ASTN2: variants seen among roughly 807,000 people sequenced by gnomAD.
ASTN2 encodes astrotactin-2.
ASTN2 carries 54 observed loss-of-function variants against 139.8 expected under a neutral mutation model. That is an observed-to-expected ratio of 0.39 (90% confidence interval 0.31 to 0.48). The LOEUF (loss-of-function observed/expected upper bound fraction) is 0.48, where lower values mean the gene tolerates loss of function less well. Among genes scored for constraint, ASTN2 ranks in the 20% least tolerant of loss-of-function variants. ASTN2 has a pLI of 0.95. For missense variants in ASTN2, 1,565 were observed against 1,725.1 expected (o/e 0.91, Z 1.64); for synonymous variants, 756 against 719.5 (o/e 1.05, Z -0.81).
At chr9:117,319,734 C>G (rs953893307) in intron 1 of ASTN2, among the ~76,000 whole-genome samples, 1 of 152,078 alleles carries the variant, frequency 6.6e-6, no homozygotes, top group African/African-American at 2.4e-5. Flanking sequence ...CCCTACCTGG[C>G]CTTCACAGGG....
At chr9:116,760,958 C>T (rs920676480) in intron 13 of ASTN2, among the ~76,000 whole-genome samples, 1 of 152,218 alleles carries the variant, frequency 6.6e-6, no homozygotes, top group Non-Finnish European at 1.5e-5. Context: ...CGCAGCTTCT[C>T]TGCAGATTTA....
At chr9:116,554,138 T>C (rs548584319) in intron 19 of ASTN2, among the ~76,000 whole-genome samples, 1 of 152,348 alleles carries the variant, frequency 6.6e-6, no homozygotes, top group African/African-American at 2.4e-5. Context: ...GTCCTTCTTA[T>C]GTATGATGGA....
intron 4 of ASTN2, among the ~76,000 whole-genome samples, chr9:117,138,270 G>C (rs1050288442): frequency 2.0e-5 from 3 of 152,164 alleles, no homozygotes; most frequent in African/African-American, 2.4e-5. Context: ...CTGTAGATTG[G>C]GTAGTCATGG....
At chr9:117,136,462 G>A (rs949026100) in intron 4 of ASTN2, among the ~76,000 whole-genome samples, 7 of 152,190 alleles carry the variant, frequency 4.6e-5, no homozygotes, top group African/African-American at 1.4e-4. Flanking sequence ...GAGCACAGCT[G>A]CAGACCCTCT....
chr9:117,234,971 C>T (rs1044453744), intron 2 of ASTN2, among the ~76,000 whole-genome samples: 10 of 152,160 alleles, frequency 6.6e-5, no homozygotes, highest in African/African-American at 1.9e-4. Context: ...CAGTGGCTCA[C>T]GCCTGTAATC....
At chr9:116,907,414 C>T (rs1307584353) in intron 10 of ASTN2, among the ~76,000 whole-genome samples, 1 of 152,196 alleles carries the variant, frequency 6.6e-6, no homozygotes, top group Non-Finnish European at 1.5e-5. Flanking sequence ...GTGTCCGAGG[C>T]AGGCTCCAAG....
chr9:116,832,177 G>A (rs1029754927), intron 11 of ASTN2, among the ~76,000 whole-genome samples: 2 of 152,050 alleles, frequency 1.3e-5, no homozygotes, highest in Admixed American at 1.3e-4. Context: ...AATTGATGTT[G>A]TATATTTTTC....
intron 10 of ASTN2, among the ~76,000 whole-genome samples, chr9:116,947,843 C>T (rs1321041982): frequency 6.6e-6 from 1 of 152,228 alleles, no homozygotes; most frequent in Non-Finnish European, 1.5e-5. Context: ...CCTCAGGTTC[C>T]ATTCAAGTTT....
chr9:117,167,739 A>C (rs1051459602), intron 3 of ASTN2, among the ~76,000 whole-genome samples: 20 of 152,180 alleles, frequency 1.3e-4, no homozygotes, highest in African/African-American at 4.6e-4. Context: ...CTTATGTTAC[A>C]GAAGTAGAGA....
intron 2 of ASTN2, among the ~76,000 whole-genome samples, chr9:117,217,727 G>A (rs535142596): frequency 2.0e-5 from 3 of 152,236 alleles, no homozygotes; most frequent in African/African-American, 7.2e-5. Flanking sequence ...TAGGGTAGGG[G>A]CACATAGTAT....
At chr9:116,551,181 T>C (rs1457878507) in intron 19 of ASTN2, 1 of 152,228 alleles carries the variant, frequency 6.6e-6, no homozygotes, top group Non-Finnish European at 1.5e-5. Flanking sequence ...TCAGTCATTT[T>C]GGGGCCAACC....
At chr9:116,904,296 C>A (rs7042929) in intron 10 of ASTN2, among the ~76,000 whole-genome samples, 16,985 of 152,136 alleles carry the variant, frequency 0.11, 1,263 homozygotes, top group East Asian at 0.3. Flanking sequence ...CCTATGTCCT[C>A]GTGGCAGACA....
chr9:116,444,059 C>A (rs1424484040), intron 20 of ASTN2, among the ~76,000 whole-genome samples: 3 of 152,034 alleles, frequency 2.0e-5, no homozygotes, highest in African/African-American at 7.3e-5. Flanking sequence ...TACATTAACA[C>A]AATTAATTCC....
At chr9:117,008,501 AG>A (rs1453764140) in intron 6 of ASTN2, among the ~76,000 whole-genome samples, 3 of 152,140 alleles carry the variant, frequency 2.0e-5, no homozygotes, top group Non-Finnish European at 4.4e-5. Flanking sequence ...AGAGGGAAGT[AG>A]GGTCAAATTC....
Position 117,227,132 on chromosome 9 carries a change from G to A in ASTN2, c.631-12390C>T, listed in dbSNP as rs535037138. 2.0e-5 allele frequency among the ~76,000 whole-genome samples: 3 copies of A among 152,248 alleles called. No individual in the cohort carries two copies. The East Asian group carries it at 5.8e-4, about 29-fold the overall frequency. Reference sequence around the variant, plus strand: ...GGGTTAGGGGAGTTGGTGTGGGTGAGGGTCATGGTCAGGGATTGCTGATCT... The same window carrying A: ...GGGTTAGGGGAGTTGGTGTGGGTGAAGGTCATGGTCAGGGATTGCTGATCT... On this transcript the variant is annotated intron_variant, in intron 2 of 22. Coordinates refer to ENST00000313400, the MANE Select transcript of ASTN2 (RefSeq NM_001365068.1).
intron 5 of ASTN2, among the ~76,000 whole-genome samples, chr9:117,081,621 GTTTA>G (rs1369788539): frequency 6.6e-6 from 1 of 152,190 alleles, no homozygotes; most frequent in East Asian, 1.9e-4. Flanking sequence ...TTGACAATGA[GTTTA>G]TCAGAAAGAA....
intron 10 of ASTN2, among the ~76,000 whole-genome samples, chr9:116,936,832 TTA>T (rs1835096621): frequency 6.6e-6 from 1 of 152,156 alleles, no homozygotes; most frequent in Non-Finnish European, 1.5e-5. Flanking sequence ...CACACCTTGT[TTA>T]TGTCTTTGGA....
chr9:116,624,201 C>T (rs1856323699), intron 17 of ASTN2, among the ~76,000 whole-genome samples: 1 of 152,174 alleles, frequency 6.6e-6, no homozygotes, highest in South Asian at 2.1e-4. Context: ...GTATTTCTGA[C>T]TCTCTTGTTA....
intron 3 of ASTN2, among the ~76,000 whole-genome samples, chr9:117,161,603 A>C (rs1448425999): frequency 6.6e-6 from 1 of 152,098 alleles, no homozygotes; most frequent in Non-Finnish European, 1.5e-5. Flanking sequence ...CATGTTGGCC[A>C]GGCTGGTCTT....
Sources: gnomAD v4.1 joint callset for allele counts (sites outside exome capture counted in the v4.1 genomes callset) on GRCh38, gnomAD v4.1.1 for gene constraint, MANE v1.5 for transcripts, NCBI Gene and HGNC (gene_info 2026-07-23, HGNC 2026-07-21) for gene names.